Variants in KCNMB2 observed in about 807,000 individuals in gnomAD.
KCNMB2 encodes potassium calcium-activated channel subfamily M regulatory beta subunit 2.
A neutral mutation model predicts 24.5 loss-of-function variants in KCNMB2; 9 were observed. The ratio of observed to expected loss-of-function variants is 0.37; its 90% confidence interval spans 0.22 to 0.64. The LOEUF (loss-of-function observed/expected upper bound fraction) is 0.64, where lower values mean the gene tolerates loss of function less well. KCNMB2 is among the 30% of genes least tolerant of loss of function. KCNMB2 has a pLI of 0.63. For synonymous variants in KCNMB2, 109 were observed against 104.4 expected, an observed-to-expected ratio of 1.04 and a Z score of -0.27; for missense variants, 226 against 284.3, an observed-to-expected ratio of 0.79 and a Z score of 1.47.
At chr3:178,739,860 A>T (rs1723437922) in intron 1 of KCNMB2, among the ~76,000 whole-genome samples, 1 of 152,128 alleles carries the variant, frequency 6.6e-6, no homozygotes, top group Non-Finnish European at 1.5e-5. Context: ...TAATTATGCT[A>T]GGTCAGTGGG....
At chr3:178,758,731 C>A in intron 1 of KCNMB2, among the ~76,000 whole-genome samples, 1 of 23,458 alleles carries the variant, frequency 4.3e-5, no homozygotes, top group Non-Finnish European at 7.2e-5. Flanking sequence ...TATATATCTC[C>A]AAGAGGAGAT....
chr3:178,617,910 A>C lies in KCNMB2; in HGVS notation c.-68+81199A>C, dbSNP rs895204638. Among the ~76,000 whole-genome samples the C allele has an allele frequency of 1.0e-4, 15 of 150,082 alleles. No homozygotes were observed. In the East Asian group the frequency reaches 2.9e-3, roughly 29 times the overall value. On this transcript the variant is annotated intron_variant, in intron 1 of 4. Transcript: ENST00000452583. ...TGTCTAAAAAAAAAAAAAAAAAAAA[A>C]ACCCAACACTCAAAAGTAATCGTCC...
At chr3:178,603,198 G>A (rs1486296483) in intron 1 of KCNMB2, among the ~76,000 whole-genome samples, 1 of 152,132 alleles carries the variant, frequency 6.6e-6, no homozygotes, top group Non-Finnish European at 1.5e-5. Context: ...GGTCCTGAGG[G>A]TGGTGCTTAT....
chr3:178,598,640 A>T (rs978475524), intron 1 of KCNMB2, among the ~76,000 whole-genome samples: 2 of 151,970 alleles, frequency 1.3e-5, no homozygotes, highest in Non-Finnish European at 2.9e-5. Context: ...TGTTGTCAAG[A>T]TGGACTCTCA....
intron 1 of KCNMB2, among the ~76,000 whole-genome samples, chr3:178,567,922 T>C (rs550153989): frequency 6.6e-6 from 1 of 152,296 alleles, no homozygotes; most frequent in South Asian, 2.1e-4. Context: ...TTCCTCACAG[T>C]ACACTAGGTC....
At chr3:178,548,558 C>T (rs1476452936) in intron 1 of KCNMB2, among the ~76,000 whole-genome samples, 2 of 152,102 alleles carry the variant, frequency 1.3e-5, no homozygotes, top group Non-Finnish European at 2.9e-5. Flanking sequence ...TATCTCTGTC[C>T]CTGAGCCCCA....
intron 1 of KCNMB2, among the ~76,000 whole-genome samples, chr3:178,577,411 A>G (rs887590530): frequency 2.0e-5 from 3 of 152,240 alleles, no homozygotes; most frequent in Non-Finnish European, 4.4e-5. Flanking sequence ...AAAGATGAGG[A>G]AAAACCAGCT....
chr3:178,754,803 C>A (rs548148180), intron 1 of KCNMB2, among the ~76,000 whole-genome samples: 1 of 152,192 alleles, frequency 6.6e-6, no homozygotes, highest in African/African-American at 2.4e-5. Flanking sequence ...AGCTTCTAGA[C>A]CAGTTCCATC....
intron 1 of KCNMB2, among the ~76,000 whole-genome samples, chr3:178,606,146 C>T (rs1718263685): frequency 6.6e-6 from 1 of 152,140 alleles, no homozygotes; most frequent in South Asian, 2.1e-4. Flanking sequence ...CAGGACCAAT[C>T]TTATAGATAC....
chr3:178,649,648 T>A (rs10755135), intron 1 of KCNMB2, among the ~76,000 whole-genome samples: 13,948 of 152,220 alleles, frequency 0.092, 736 homozygotes, highest in Middle Eastern at 0.2. Flanking sequence ...TTTTCTAGTT[T>A]ATTTGAGTAG....
At chr3:178,596,634 A>G (rs1047297684) in intron 1 of KCNMB2, among the ~76,000 whole-genome samples, 1 of 152,044 alleles carries the variant, frequency 6.6e-6, no homozygotes, top group African/African-American at 2.4e-5. Flanking sequence ...TTCTGCCTTA[A>G]AAGAGTCAAC....
At chr3:178,833,075 C>A (rs1411965147) in intron 4 of KCNMB2, among the ~76,000 whole-genome samples, 27 of 22,950 alleles carry the variant, frequency 1.2e-3, no homozygotes, top group African/African-American at 2.8e-3. Flanking sequence ...TTACTTCTGC[C>A]AGGTACAAGC....
At chr3:178,569,292 G>A (rs193174695) in intron 1 of KCNMB2, among the ~76,000 whole-genome samples, 1 of 152,144 alleles carries the variant, frequency 6.6e-6, no homozygotes, top group Non-Finnish European at 1.5e-5. Context: ...AAATCTGATT[G>A]GCCCCACACG....
intron 1 of KCNMB2, among the ~76,000 whole-genome samples, chr3:178,718,357 GT>G (rs1246463876): frequency 6.6e-6 from 1 of 152,110 alleles, no homozygotes; most frequent in African/African-American, 2.4e-5. Flanking sequence ...AAGTCCCTGA[GT>G]TTTTTTCTGT....
chr3:178,561,164 G>T (rs1244407510), intron 1 of KCNMB2, among the ~76,000 whole-genome samples: 1 of 152,076 alleles, frequency 6.6e-6, no homozygotes, highest in Non-Finnish European at 1.5e-5. Flanking sequence ...ATCAAGTATG[G>T]CTCCATAAAA....
intron 1 of KCNMB2, among the ~76,000 whole-genome samples, chr3:178,754,276 T>A (rs1187208227): frequency 6.6e-6 from 1 of 151,066 alleles, no homozygotes; most frequent in Non-Finnish European, 1.5e-5. Flanking sequence ...GCTAGTGTAG[T>A]AATGCTTCAA....
At chr3:178,784,749 A>G (rs1056377656) in intron 1 of KCNMB2, among the ~76,000 whole-genome samples, 10 of 152,002 alleles carry the variant, frequency 6.6e-5, no homozygotes, top group African/African-American at 2.2e-4. Context: ...ATAATCCTTC[A>G]ATGAGTGAGA....
chr3:178,713,045 T>C (rs1378189819), intron 1 of KCNMB2, among the ~76,000 whole-genome samples: 2 of 152,312 alleles, frequency 1.3e-5, no homozygotes, highest in Admixed American at 6.5e-5. Flanking sequence ...ACACATTTAG[T>C]TGGGAAAAGA....
At chr3:178,701,620 C>T (rs1228531050) in intron 1 of KCNMB2, among the ~76,000 whole-genome samples, 2 of 151,746 alleles carry the variant, frequency 1.3e-5, no homozygotes, top group Admixed American at 6.6e-5. Flanking sequence ...TACGAACAGA[C>T]ACTTCTCAAA....
Sources: allele counts gnomAD v4.1 joint callset (sites outside exome capture counted in the v4.1 genomes callset), GRCh38; gene constraint gnomAD v4.1.1; transcripts MANE v1.5; gene names NCBI Gene and HGNC (gene_info 2026-07-23, HGNC 2026-07-21).